SEMA5B: variants seen among roughly 807,000 people sequenced by gnomAD.
SEMA5B encodes semaphorin-5B.
Under a neutral mutation model 135.0 loss-of-function variants are expected in SEMA5B, and 66 were observed. The ratio of observed to expected loss-of-function variants is 0.49; its 90% CI spans 0.40 to 0.60. The LOEUF is 0.60. Ranked by LOEUF, SEMA5B falls within the 20% of genes least tolerant of loss-of-function variation. SEMA5B has a pLI of 0.00. For missense variants in SEMA5B, 1,501 were observed against 1,566.3 expected (o/e 0.96, Z 0.70); for synonymous variants, 690 against 639.5 (o/e 1.08, Z -1.19).
intron 5 of SEMA5B, 45 bp from the exon 6 acceptor site, chr3:122,929,103 C>T: frequency 6.4e-7 from 1 of 1,555,684 alleles, no homozygotes; most frequent in Non-Finnish European, 8.8e-7. Context: ...ATGGCTGTGT[C>T]ATTTACTGCC....
chr3:122,978,068 C>G (rs1047576164), intron 1 of SEMA5B, among the ~76,000 whole-genome samples: 1 of 152,254 alleles, frequency 6.6e-6, no homozygotes. Context: ...ACCAGCCAGC[C>G]AGTCCTGCCC....
rs1356495559 is a variant in SEMA5B, at chr3:122,913,581, G to T, written c.2233C>A (p.Arg745=). 1 of 1,613,044 alleles carries T rather than the reference G, an allele frequency of 6.2e-7. No individual in the cohort carries two copies. The highest frequency in any genetic ancestry group is 2.2e-5 in the East Asian group (1 of 44,876). ...TTGCCGTTCTCGCAGGCCCGACGCC[G>T]CGACTGCATGCCCCCTCCACAGTTG... ...SSNCGGGMQS[R]RRACENGNSC... The change falls in exon 16 of 23, where the codon CGG becomes AGG. Residue 745 remains arginine, a synonymous_variant. Transcript: ENST00000357599.
At chr3:122,954,940 A>C (rs79661383) in intron 2 of SEMA5B, among the ~76,000 whole-genome samples, 2 of 150,704 alleles carry the variant, frequency 1.3e-5, no homozygotes, top group Non-Finnish European at 3.0e-5. Context: ...CTACAGGCAC[A>C]TACCACCAGG....
chr3:122,965,110 G>A (rs1255302202), intron 1 of SEMA5B, among the ~76,000 whole-genome samples: 5 of 152,210 alleles, frequency 3.3e-5, no homozygotes, highest in Non-Finnish European at 7.3e-5. Flanking sequence ...GACAGACTAG[G>A]AAGAAGCAGC....
chr3:122,966,865 ATT>A (rs1241822113), intron 1 of SEMA5B, among the ~76,000 whole-genome samples: 1 of 120,162 alleles, frequency 8.3e-6, no homozygotes, highest in Non-Finnish European at 1.6e-5. Flanking sequence ...GCCTATTACT[ATT>A]ATTATTATTA....
At chr3:122,943,160 C>T (rs1032368396) in intron 4 of SEMA5B, among the ~76,000 whole-genome samples, 2 of 152,190 alleles carry the variant, frequency 1.3e-5, no homozygotes, top group Non-Finnish European at 2.9e-5. Flanking sequence ...AGGGACCGGG[C>T]AGGAGGTGGC....
At chr3:122,952,381 G>A (rs186160397) in intron 2 of SEMA5B, among the ~76,000 whole-genome samples, 1 of 152,290 alleles carries the variant, frequency 6.6e-6, no homozygotes, top group East Asian at 1.9e-4. Flanking sequence ...CAAAGGGCAA[G>A]GCCAAATCTC....
Position 122,922,257 on chromosome 3 carries a change from A to G in SEMA5B, c.1463T>C (p.Val488Ala). The change falls in exon 11 of 23, where the codon GTA becomes GCA. Residue 488 changes from valine (V) to alanine (A), a missense_variant. Transcript: ENST00000357599. ...LVQAKDTLYH[V>A]LYIGTESGTI... is the part of the protein sequence containing the mutation. ...CGGCTCACCGGTGCCAATGTAGAGT[A>G]CATGGTAGAGCGTGTCTTTAGCCTG... 1 of 1,613,926 alleles carries G rather than the reference A, an allele frequency of 6.2e-7. No individual in the cohort carries two copies. Among genetic ancestry groups the G allele is most frequent in the Middle Eastern group, 1.6e-4 (1 of 6,062 alleles).
At chr3:122,914,195 A>G (rs1045696198) in intron 14 of SEMA5B, among the ~76,000 whole-genome samples, 194 bp from the exon 15 acceptor site, 8 of 152,208 alleles carry the variant, frequency 5.3e-5, no homozygotes, top group Non-Finnish European at 1.0e-4. Context: ...TCCTTCAGAC[A>G]TGTATTGAGA....
chr3:122,928,389 T>C, intron 7 of SEMA5B, 128 bp downstream of exon 7: 2 of 618,148 alleles, frequency 3.2e-6, no homozygotes. Flanking sequence ...TCTAACTGGG[T>C]GTCCTTTTGT....
chr3:122,952,668 A>T (rs1940110915), intron 2 of SEMA5B, among the ~76,000 whole-genome samples: 1 of 152,160 alleles, frequency 6.6e-6, no homozygotes, highest in Admixed American at 6.5e-5. Flanking sequence ...TTGCCCTCTG[A>T]CACTTATGCT....
At chr3:122,918,070 AG>A (rs555546570) in intron 12 of SEMA5B, among the ~76,000 whole-genome samples, 35 of 152,354 alleles carry the variant, frequency 2.3e-4, no homozygotes, top group South Asian at 1.5e-3. Flanking sequence ...TCTTACAGGC[AG>A]CTTACGTGGC....
chr3:122,928,144 A>C, intron 7 of SEMA5B, 141 bp from the exon 8 acceptor site: 10 of 599,502 alleles, frequency 1.7e-5, no homozygotes, highest in Non-Finnish European at 2.2e-5. Flanking sequence ...TGCTCAGCTC[A>C]TGGTCCCTCT....
chr3:122,958,237 T>TTGGGGAAGG (rs1301344259), intron 2 of SEMA5B: 1 of 152,206 alleles, frequency 6.6e-6, no homozygotes. Flanking sequence ...ATGAGGACCT[T>TTGGGGAAGG]TGGGGAAGGT....
intron 20 of SEMA5B, 115 bp from the exon 21 acceptor site, chr3:122,911,650 G>T: frequency 8.9e-7 from 1 of 1,122,016 alleles, no homozygotes; most frequent in Non-Finnish European, 1.3e-6. Context: ...GTAGGACTAG[G>T]TAGGCGTGGG....
chr3:122,950,319 T>C (rs1325946911), intron 2 of SEMA5B, among the ~76,000 whole-genome samples: 1 of 152,184 alleles, frequency 6.6e-6, no homozygotes, highest in Non-Finnish European at 1.5e-5. Context: ...CATATACTAC[T>C]GTAGGGGTTG....
chr3:122,963,951 C>T (rs1002727752), intron 1 of SEMA5B, among the ~76,000 whole-genome samples: 1 of 151,878 alleles, frequency 6.6e-6, no homozygotes, highest in Non-Finnish European at 1.5e-5. Flanking sequence ...GTGGTCTCAG[C>T]CTCCCTCCCT....
rs193290989 is a variant in SEMA5B, at chr3:122,950,826, A to G, written c.125-2117T>C. On this transcript the variant is annotated intron_variant, in intron 2 of 22. Transcript: ENST00000357599. ...ATCCTTTGAAAGAACAGAAAGGCAG[A>G]AAACAACCAAATATTCAGAAACAGG... Among the ~76,000 whole-genome samples, 46 of 152,400 alleles carry G rather than the reference A, an allele frequency of 3.0e-4. No individual in the cohort carries two copies. The East Asian group carries it at 8.9e-3, about 29-fold the overall frequency.
intron 3 of SEMA5B, among the ~76,000 whole-genome samples, chr3:122,944,450 C>T (rs74481542): frequency 2.0e-5 from 3 of 152,200 alleles, no homozygotes; most frequent in East Asian, 3.8e-4. Context: ...GCCCTGGGGG[C>T]CAAGAAAGAC....
Sources: gnomAD v4.1 joint callset for allele counts (sites outside exome capture counted in the v4.1 genomes callset) on GRCh38, gnomAD v4.1.1 for gene constraint, MANE v1.5 for transcripts, NCBI Gene and HGNC (gene_info 2026-07-23, HGNC 2026-07-21) for gene names.